LRRIQ4: variants seen among roughly 807,000 people sequenced by gnomAD.
LRRIQ4 encodes the protein leucine-rich repeat and IQ domain-containing protein 4.
A neutral mutation model predicts 40.1 loss-of-function variants in LRRIQ4; 21 were observed. That is an observed-to-expected ratio of 0.52 (90% CI 0.37 to 0.75). The LOEUF (loss-of-function observed/expected upper bound fraction) is 0.75, where lower values mean the gene tolerates loss of function less well. LRRIQ4 is among the 30% of genes least tolerant of loss of function. LRRIQ4 has a pLI of 0.00. For missense variants in LRRIQ4, 655 were observed against 660.0 expected (o/e 0.99, Z 0.08); for synonymous variants, 277 against 277.1 (o/e 1.00, Z 0.00).
chr3:169,822,076 A>G lies in LRRIQ4; in HGVS notation c.155A>G (p.Glu52Gly), dbSNP rs766503865. The G allele has an allele frequency of 6.2e-7, 1 of 1,606,756 alleles. No homozygotes were observed. Among genetic ancestry groups the G allele is most frequent in the Non-Finnish European group, 8.5e-7 (1 of 1,178,142 alleles). The change falls in exon 2 of 6, where the codon GAA becomes GGA. Residue 52 changes from glutamate (E) to glycine (G), a missense_variant. Glu to Gly is a moderately conservative substitution (Grantham distance 98). Transcript: ENST00000340806. Reference protein sequence around the residue: ...LEIFTFTELEEVHLENNQIEE... With the variant: ...LEIFTFTELEGVHLENNQIEE... ...ATCTTCACATTCACAGAATTAGAAG[A>G]AGTGCATTTGGAGAATAACCAGATT...
intron 1 of LRRIQ4, among the ~76,000 whole-genome samples, chr3:169,819,310 G>A (rs1779825948): frequency 6.6e-6 from 1 of 152,112 alleles, no homozygotes; most frequent in African/African-American, 2.4e-5. Flanking sequence ...CTTTCAGAGG[G>A]CCGTCAAATT....
intron 2 of LRRIQ4, among the ~76,000 whole-genome samples, chr3:169,823,932 A>T (rs539070811): frequency 6.6e-6 from 1 of 152,354 alleles, no homozygotes; most frequent in East Asian, 1.9e-4. Flanking sequence ...TAGTAATTTA[A>T]GTGAACTGGT....
intron 1 of LRRIQ4, among the ~76,000 whole-genome samples, chr3:169,815,649 G>A (rs918495602): frequency 3.3e-5 from 5 of 151,978 alleles, no homozygotes; most frequent in African/African-American, 1.2e-4. Context: ...TTCTCTAATT[G>A]CTCTAGCTAA....
chr3:169,833,677 G>T (rs1017385293), intron 5 of LRRIQ4, among the ~76,000 whole-genome samples: 1 of 152,184 alleles, frequency 6.6e-6, no homozygotes, highest in African/African-American at 2.4e-5. Context: ...GTCCACTTCA[G>T]CCAGTGTTCT....
intron 1 of LRRIQ4, among the ~76,000 whole-genome samples, chr3:169,814,469 G>A (rs1779718368): frequency 6.6e-6 from 1 of 150,872 alleles, no homozygotes; most frequent in Admixed American, 6.7e-5. Flanking sequence ...GTGCCTACTA[G>A]GGTCTTGGGG....
rs138140136 is a variant in LRRIQ4, at chr3:169,820,413, A to C, written c.-31-1478A>C. On this transcript the variant is annotated intron_variant, in intron 1 of 5. Transcript: ENST00000340806. Reference sequence around the variant, plus strand: ...TAAAGATTATCTTTAGCTCCTTTGCATTTTCATATAAATTTTAGAATCAGC... The same window carrying C: ...TAAAGATTATCTTTAGCTCCTTTGCCTTTTCATATAAATTTTAGAATCAGC... Among the ~76,000 whole-genome samples, 9 of 151,858 alleles carry C rather than the reference A, an allele frequency of 5.9e-5. No homozygotes were observed. The East Asian group carries it at 1.5e-3, about 26-fold the overall frequency.
At chr3:169,819,117 A>G (rs1779821431) in intron 1 of LRRIQ4, among the ~76,000 whole-genome samples, 1 of 152,250 alleles carries the variant, frequency 6.6e-6, no homozygotes, top group Non-Finnish European at 1.5e-5. Flanking sequence ...GATTGTAATA[A>G]TAAGTAAATT....
At chr3:169,830,690 A>G in intron 4 of LRRIQ4, 60 bp downstream of exon 4, 1 of 1,597,004 alleles carries the variant, frequency 6.3e-7, no homozygotes, top group Non-Finnish European at 8.6e-7. Context: ...TTCCTATGGC[A>G]AATGGCTTCC....
In LRRIQ4 at chr3:169,836,242, G is replaced by A. The variant is rs190821984; in HGVS notation, c.1531-1237G>A. On this transcript the variant is annotated intron_variant, in intron 5 of 5. Coordinates refer to ENST00000340806, the MANE Select transcript of LRRIQ4 (RefSeq NM_001080460.3). ...GAAATTGCCAGTAGTGTGTGGAGGT[G>A]GAGAAGTGGTTGATTTAAATAAGAT... Among the ~76,000 whole-genome samples the A allele has an allele frequency of 4.0e-4, 61 of 152,142 alleles. 1 individual carries two copies. Among genetic ancestry groups the A allele is most frequent in the African/African-American group, 1.4e-3 (59 of 41,532 alleles).
chr3:169,825,564 G>T (rs181050681), intron 2 of LRRIQ4, among the ~76,000 whole-genome samples: 17 of 152,320 alleles, frequency 1.1e-4, no homozygotes, highest in Admixed American at 3.3e-4. Flanking sequence ...TCATTCTGCA[G>T]TTGGAGTGAA....
At chr3:169,820,114 C>T (rs1405561937) in intron 1 of LRRIQ4, among the ~76,000 whole-genome samples, 1 of 152,160 alleles carries the variant, frequency 6.6e-6, no homozygotes, top group Non-Finnish European at 1.5e-5. Flanking sequence ...TTCATCTAGG[C>T]ACTGGGCCTC....
At chr3:169,815,294 T>C (rs1779741661) in intron 1 of LRRIQ4, among the ~76,000 whole-genome samples, 1 of 152,208 alleles carries the variant, frequency 6.6e-6, no homozygotes, top group Admixed American at 6.5e-5. Context: ...TTTTTTTGTG[T>C]GTGTGTCCTC....
intron 4 of LRRIQ4, among the ~76,000 whole-genome samples, chr3:169,831,981 A>T (rs1290535711): frequency 2.7e-5 from 4 of 150,160 alleles, no homozygotes; most frequent in East Asian, 3.9e-4. Context: ...AAGTTAAAAA[A>T]TTTAAAAAAA....
At position 169,831,255 on chromosome 3, in the gene LRRIQ4, G is replaced by A. The variant is rs1780165602; in HGVS notation, c.1333+625G>A. Reference sequence around the variant, plus strand: ...CTTATGCACATGTTTTCAAACTATGGCTATTCTTTTTTTTTTTTTTTTTTT... The same window carrying A: ...CTTATGCACATGTTTTCAAACTATGACTATTCTTTTTTTTTTTTTTTTTTT... On this transcript the variant is annotated intron_variant, in intron 4 of 5. Transcript: ENST00000340806. Among the ~76,000 whole-genome samples, 4 of 132,342 alleles carry A rather than the reference G, an allele frequency of 3.0e-5. No individual in the cohort carries two copies. The South Asian group carries it at 9.8e-4, about 32-fold the overall frequency. 86.8% of individuals were successfully genotyped at this position (132,342 alleles called of 152,430 possible).
chr3:169,824,462 C>G (rs1779995441), intron 2 of LRRIQ4, among the ~76,000 whole-genome samples: 1 of 151,720 alleles, frequency 6.6e-6, no homozygotes, highest in African/African-American at 2.4e-5. Flanking sequence ...GTTTATGTTT[C>G]TTTATTATTT....
intron 5 of LRRIQ4, 96 bp from the exon 6 acceptor site, chr3:169,837,383 C>A: frequency 6.8e-6 from 9 of 1,322,932 alleles, no homozygotes; most frequent in Middle Eastern, 1.8e-4. Context: ...ATTCTCTCCA[C>A]GTCTTCAAGA....
intron 2 of LRRIQ4, among the ~76,000 whole-genome samples, chr3:169,826,556 G>A (rs1780045381): frequency 1.3e-5 from 2 of 152,068 alleles, no homozygotes; most frequent in African/African-American, 2.4e-5. Flanking sequence ...CTATGACTAT[G>A]ATGAAACTAA....
intron 1 of LRRIQ4, among the ~76,000 whole-genome samples, chr3:169,814,676 G>T (rs954989690): frequency 6.6e-5 from 10 of 152,090 alleles, no homozygotes; most frequent in Non-Finnish European, 1.2e-4. Context: ...GTAGAGACAG[G>T]GTTTCACCAT....
intron 5 of LRRIQ4, 42 bp downstream of exon 5, chr3:169,833,225 G>A (rs1218894856): frequency 4.6e-6 from 7 of 1,507,632 alleles, no homozygotes; most frequent in South Asian, 1.2e-5. Flanking sequence ...GCTTTAGAGG[G>A]AGTCTAATGG....
Sources: gnomAD v4.1 joint callset for allele counts (sites outside exome capture counted in the v4.1 genomes callset) on GRCh38, gnomAD v4.1.1 for gene constraint, MANE v1.5 for transcripts, NCBI Gene and HGNC (gene_info 2026-07-23, HGNC 2026-07-21) for gene names.